EPB41L4A: variants seen among roughly 807,000 people sequenced by gnomAD.
EPB41L4A encodes the protein erythrocyte membrane protein band 4.1 like 4A.
A neutral mutation model predicts 108.6 loss-of-function variants in EPB41L4A; 100 were observed. The ratio of observed to expected loss-of-function variants is 0.92; its 90% CI spans 0.78 to 1.09. The LOEUF is 1.09. Ranked by LOEUF, EPB41L4A falls within the 50% of genes least tolerant of loss-of-function variation. The pLI is 0.00. For synonymous variants in EPB41L4A, 319 were observed against 289.0 expected, an observed-to-expected ratio of 1.10 and a Z score of -1.05; for missense variants, 1,030 against 842.7, an observed-to-expected ratio of 1.22 and a Z score of -2.75.
At chr5:112,352,866 A>AG (rs1307891132) in intron 1 of EPB41L4A, among the ~76,000 whole-genome samples, 2 of 152,142 alleles carry the variant, frequency 1.3e-5, no homozygotes, top group Non-Finnish European at 2.9e-5. Flanking sequence ...GTTCCTTTGG[A>AG]GGGGTCCTGT....
chr5:112,411,227 G>A (rs906389283), intron 1 of EPB41L4A, among the ~76,000 whole-genome samples: 9 of 152,174 alleles, frequency 5.9e-5, no homozygotes, highest in African/African-American at 2.2e-4. Context: ...AAATAAGGAA[G>A]TTGGGACTAC....
intron 1 of EPB41L4A, among the ~76,000 whole-genome samples, chr5:112,337,337 C>T (rs1315663759): frequency 1.3e-5 from 2 of 152,198 alleles, no homozygotes; most frequent in Non-Finnish European, 2.9e-5. Context: ...AAATCCGGTA[C>T]CACATCCCCT....
At chr5:112,195,354 T>C (rs1320174499) in intron 16 of EPB41L4A, among the ~76,000 whole-genome samples, 1 of 151,802 alleles carries the variant, frequency 6.6e-6, no homozygotes, top group Non-Finnish European at 1.5e-5. Flanking sequence ...AAAAGCTGCC[T>C]GTTCAATGGA....
intron 17 of EPB41L4A, among the ~76,000 whole-genome samples, chr5:112,190,925 G>A (rs539311594): frequency 6.6e-6 from 1 of 152,176 alleles, no homozygotes; most frequent in South Asian, 2.1e-4. Flanking sequence ...AAACAGAAAG[G>A]AACTGGGTGA....
chr5:112,260,845 A>G (rs1358054883), intron 7 of EPB41L4A, among the ~76,000 whole-genome samples: 1 of 152,222 alleles, frequency 6.6e-6, no homozygotes, highest in Non-Finnish European at 1.5e-5. Flanking sequence ...AAAGCAATAC[A>G]TTTGGAGGAA....
intron 9 of EPB41L4A, among the ~76,000 whole-genome samples, chr5:112,256,582 C>T (rs1323091762): frequency 6.6e-6 from 1 of 151,944 alleles, no homozygotes. Context: ...AAGATTGCAT[C>T]CACAATAGCA....
In EPB41L4A at chr5:112,261,958, G is replaced by T. The variant is rs868154273; in HGVS notation, c.642+536C>A. Among the ~76,000 whole-genome samples, 102 of 144,424 alleles carry T rather than the reference G, an allele frequency of 7.1e-4. 2 individuals are homozygous for T. In the East Asian group the frequency reaches 0.011, roughly 16 times the overall value. The allele number at this position is 144,424 out of a possible 152,430, so 94.7% of individuals were successfully genotyped here. On this transcript the variant is annotated intron_variant, in intron 7 of 22. Transcript: ENST00000261486. ...GGCTGGAGTGCAGTGGCACGATCTC[G>T]GCTCACTGCAACCTCTGCCTCCCAG...
intron 1 of EPB41L4A, among the ~76,000 whole-genome samples, chr5:112,339,508 A>ATC (rs60350621): frequency 0.14 from 7,537 of 55,336 alleles, 306 homozygotes; most frequent in Middle Eastern, 0.28. Context: ...ATATATATAT[A>ATC]TAGATATATA....
chr5:112,385,122 T>C (rs1198089991), intron 1 of EPB41L4A, among the ~76,000 whole-genome samples: 1 of 152,034 alleles, frequency 6.6e-6, no homozygotes. Flanking sequence ...TGCTAAGTAC[T>C]CCCTCCTCAG....
At chr5:112,333,072 T>C (rs1010161338) in intron 1 of EPB41L4A, among the ~76,000 whole-genome samples, 10 of 152,220 alleles carry the variant, frequency 6.6e-5, no homozygotes, top group African/African-American at 2.4e-4. Flanking sequence ...GTGAAGATAC[T>C]GCAATCATTA....
At chr5:112,212,802 T>C (rs922688926) in intron 12 of EPB41L4A, among the ~76,000 whole-genome samples, 1 of 152,008 alleles carries the variant, frequency 6.6e-6, no homozygotes, top group East Asian at 1.9e-4. Flanking sequence ...AAGGTGAACA[T>C]CCTGTTAACC....
At chr5:112,275,622 G>A (rs918074296) in intron 3 of EPB41L4A, among the ~76,000 whole-genome samples, 3 of 151,814 alleles carry the variant, frequency 2.0e-5, no homozygotes, top group South Asian at 2.1e-4. Context: ...GAATGTTGCT[G>A]GTTCTTATGT....
intron 2 of EPB41L4A, among the ~76,000 whole-genome samples, chr5:112,282,406 A>T (rs1455890020): frequency 6.6e-6 from 1 of 152,208 alleles, no homozygotes; most frequent in African/African-American, 2.4e-5. Flanking sequence ...AAACGCAAAT[A>T]CTCATTAACA....
Position 112,419,149 on chromosome 5 carries a change from T to C in EPB41L4A, c.-110A>G. 1 of 807,514 alleles carries C rather than the reference T, an allele frequency of 1.2e-6. No homozygotes were observed. The highest frequency in any genetic ancestry group is 2.0e-6 in the Non-Finnish European group (1 of 492,144). 50.0% of individuals were successfully genotyped at this position (807,514 alleles called of 1,614,324 possible). ...TTTATTGTCCGCGCCGTGGCGAGGG[T>C]GAGACGAGCAGCTCCCGGCGGGGTC... On this transcript the variant is annotated 5_prime_UTR_variant, in exon 1 of 23. Transcript: ENST00000261486.
At chr5:112,217,538 A>G (rs888828468) in intron 12 of EPB41L4A, among the ~76,000 whole-genome samples, 7 of 152,242 alleles carry the variant, frequency 4.6e-5, no homozygotes, top group Non-Finnish European at 7.4e-5. Context: ...TCTCTACAAA[A>G]AAAGTTTTTT....
chr5:112,385,507 CAAAA>C (rs201988960), intron 1 of EPB41L4A, among the ~76,000 whole-genome samples: 3 of 75,544 alleles, frequency 4.0e-5, no homozygotes, highest in Non-Finnish European at 3.3e-5. Flanking sequence ...TGGTTATTTT[CAAAA>C]AAAAAAAAAA....
intron 15 of EPB41L4A, among the ~76,000 whole-genome samples, chr5:112,198,541 C>A (rs995664775): frequency 2.0e-5 from 3 of 152,140 alleles, no homozygotes; most frequent in African/African-American, 4.8e-5. Flanking sequence ...TCCTTCAGTT[C>A]CGGAATATTC....
downstream of EPB41L4A, chr5:112,162,328 G>C (rs1326837520): frequency 6.6e-6 from 1 of 152,228 alleles, no homozygotes; most frequent in Non-Finnish European, 1.5e-5. Context: ...TGTGTTTTAA[G>C]TGATTAACTG....
chr5:112,186,451 A>G (rs1005384915), intron 17 of EPB41L4A, among the ~76,000 whole-genome samples: 4 of 152,196 alleles, frequency 2.6e-5, no homozygotes, highest in African/African-American at 7.2e-5. Context: ...TATAATAGTA[A>G]TAAGGACCAA....
Sources: gnomAD v4.1 joint callset for allele counts (sites outside exome capture counted in the v4.1 genomes callset) on GRCh38, gnomAD v4.1.1 for gene constraint, MANE v1.5 for transcripts, NCBI Gene and HGNC (gene_info 2026-07-23, HGNC 2026-07-21) for gene names.